SP100: variants seen among roughly 807,000 people sequenced by gnomAD.
SP100 encodes the protein nuclear autoantigen Sp-100.
SP100 carries 84 observed loss-of-function variants against 130.0 expected under a neutral mutation model. That is an observed-to-expected ratio of 0.65 (90% CI 0.54 to 0.77). SP100 has a LOEUF of 0.77. Ranked by LOEUF, SP100 falls within the 30% of genes least tolerant of loss-of-function variation. The pLI is 0.00. For missense variants in SP100, 978 were observed against 1,052.2 expected (o/e 0.93, Z 0.97); for synonymous variants, 331 against 351.7 (o/e 0.94, Z 0.66).
At chr2:230,462,081 AAG>A (rs1488298303) in intron 9 of SP100, among the ~76,000 whole-genome samples, 2 of 152,120 alleles carry the variant, frequency 1.3e-5, no homozygotes, top group Admixed American at 6.5e-5. Flanking sequence ...CATCAAGACA[AAG>A]AGAGGTATAA....
intron 18 of SP100, among the ~76,000 whole-genome samples, chr2:230,496,790 G>C (rs1426623524): frequency 6.6e-6 from 1 of 152,080 alleles, no homozygotes; most frequent in African/African-American, 2.4e-5. Context: ...ACTCCTGCTG[G>C]GGTCAACTCA....
At chr2:230,459,543 T>C (rs193300212) in intron 8 of SP100, among the ~76,000 whole-genome samples, 1 of 152,348 alleles carries the variant, frequency 6.6e-6, no homozygotes, top group African/African-American at 2.4e-5. Context: ...TGAAGACCTT[T>C]ATTTAAAGAC....
At chr2:230,461,486 C>G (rs11681514) in intron 9 of SP100, 72 bp downstream of exon 9, 265,457 of 1,501,298 alleles carry the variant, frequency 0.18, 23,964 homozygotes, top group Admixed American at 0.26. Context: ...GACTTCATCA[C>G]GGACCATCGG....
chr2:230,507,105 G>C (rs1220047299), intron 22 of SP100: 1 of 152,034 alleles, frequency 6.6e-6, no homozygotes, highest in Non-Finnish European at 1.5e-5. Flanking sequence ...AAATCTGCCA[G>C]GCACAGTTGC....
rs765904614 is a variant in SP100 at position 230,540,939 on chromosome 2, A to G, written c.2274A>G (p.Gln758=). Residue 758 remains glutamine, a synonymous_variant, in exon 26 of 29, where the codon CAA becomes CAG. Transcript: ENST00000340126. The stretch of plus-strand genomic sequence containing the variant: ...TTCAGGAAAGATGCCCAGAAAGCCA[A>G]TCAGGTCATCAGGAATCTGAAGTCC... ...KTIQERCPES[Q]SGHQESEVLM... is the part of the protein sequence containing the mutation. 2 of 1,613,840 alleles carry G rather than the reference A, an allele frequency of 1.2e-6. No homozygotes were observed. Among genetic ancestry groups the G allele is most frequent in the East Asian group, 2.2e-5 (1 of 44,870 alleles).
At position 230,492,312 on chromosome 2, in the gene SP100, G is replaced by T. The variant is rs1002873876; in HGVS notation, c.1601-2104G>T. On this transcript the variant is annotated intron_variant, in intron 17 of 28. Coordinates refer to ENST00000340126, the MANE Select transcript of SP100 (RefSeq NM_001080391.2). ...TCCCTGTTTTTCGTTTGTTTGTTTT[G>T]GTTTGGTTTGGCTAGAGACAGGGTC... Among the ~76,000 whole-genome samples, 12 of 152,186 alleles carry T rather than the reference G, an allele frequency of 7.9e-5. No homozygotes were observed. In the East Asian group the frequency reaches 2.3e-3, roughly 29 times the overall value.
chr2:230,488,099 G>A (rs150665354), intron 17 of SP100, among the ~76,000 whole-genome samples: 42 of 152,214 alleles, frequency 2.8e-4, no homozygotes, highest in African/African-American at 9.1e-4. Context: ...AGATGATGGG[G>A]TTTTCTAAAT....
chr2:230,515,920 G>A, intron 24 of SP100: 1 of 1,112,386 alleles, frequency 9.0e-7, no homozygotes, highest in Non-Finnish European at 1.1e-6. Flanking sequence ...GCACAAATTA[G>A]TTGTATATGA....
chr2:230,473,235 G>C, intron 15 of SP100, 89 bp from the exon 16 acceptor site: 1 of 782,670 alleles, frequency 1.3e-6, no homozygotes, highest in South Asian at 1.6e-5. Flanking sequence ...ATTTAGCTGT[G>C]GGGAGTGGGC....
chr2:230,417,712 C>G, intron 2 of SP100, 47 bp downstream of exon 2: 1 of 1,583,150 alleles, frequency 6.3e-7, no homozygotes, highest in Non-Finnish European at 8.6e-7. Context: ...ATTTTCCTTA[C>G]GATGGGAAAA....
At chr2:230,460,594 T>TGATCAAAGTGA (rs1559500305) in intron 8 of SP100, among the ~76,000 whole-genome samples, 93 of 7,396 alleles carry the variant, frequency 0.013, 7 homozygotes, top group Non-Finnish European at 0.018. Flanking sequence ...ATCTGTTTCT[T>TGATCAAAGTGA]TTTTTTTTTT....
intron 16 of SP100, 21 bp from the exon 17 acceptor site, chr2:230,474,373 C>T (rs774318661): frequency 2.1e-6 from 3 of 1,412,474 alleles, no homozygotes; most frequent in African/African-American, 2.9e-5. Context: ...AGTTCTCTGA[C>T]CACTACCTGT....
chr2:230,494,238 T>A (rs1259736151), intron 17 of SP100, among the ~76,000 whole-genome samples, 178 bp from the exon 18 acceptor site: 1 of 152,054 alleles, frequency 6.6e-6, no homozygotes, highest in Non-Finnish European at 1.5e-5. Flanking sequence ...AACAGGTTGC[T>A]TTGTGGTTAT....
chr2:230,527,499 A>G (rs981929172), intron 24 of SP100, among the ~76,000 whole-genome samples: 7 of 152,242 alleles, frequency 4.6e-5, no homozygotes, highest in African/African-American at 1.7e-4. Flanking sequence ...CATCGATGCT[A>G]TGAAGAAACT....
intron 2 of SP100, among the ~76,000 whole-genome samples, chr2:230,429,730 T>C (rs1228394833): frequency 1.3e-5 from 2 of 152,042 alleles, no homozygotes; most frequent in Non-Finnish European, 1.5e-5. Context: ...TTCTGCTTGA[T>C]TGAGTCATCT....
chr2:230,429,987 C>T (rs1050192985), intron 2 of SP100, among the ~76,000 whole-genome samples: 1 of 152,134 alleles, frequency 6.6e-6, no homozygotes, highest in African/African-American at 2.4e-5. Flanking sequence ...GTTATTAGAG[C>T]ATATTCGTTT....
intron 19 of SP100, among the ~76,000 whole-genome samples, chr2:230,499,912 A>C (rs916102724): frequency 6.6e-6 from 1 of 152,062 alleles, no homozygotes; most frequent in Non-Finnish European, 1.5e-5. Flanking sequence ...GGCCTCTCTC[A>C]TAAGGCCTGG....
At chr2:230,458,250 C>T (rs1353114567) in intron 8 of SP100, among the ~76,000 whole-genome samples, 1 of 152,172 alleles carries the variant, frequency 6.6e-6, no homozygotes, top group Non-Finnish European at 1.5e-5. Flanking sequence ...GTATTATGTG[C>T]TGTATTCTCA....
intron 17 of SP100, among the ~76,000 whole-genome samples, chr2:230,485,672 C>T (rs1294117369): frequency 6.6e-6 from 1 of 151,960 alleles, no homozygotes. Flanking sequence ...TATATCTTTG[C>T]CTATATATTT....
Sources: gnomAD v4.1 joint callset for allele counts (sites outside exome capture counted in the v4.1 genomes callset) on GRCh38, gnomAD v4.1.1 for gene constraint, MANE v1.5 for transcripts, NCBI Gene and HGNC (gene_info 2026-07-23, HGNC 2026-07-21) for gene names.